MEI1: variants seen among roughly 807,000 people sequenced by gnomAD.
MEI1 encodes the protein meiosis inhibitor protein 1.
Under a neutral mutation model 146.2 loss-of-function variants are expected in MEI1, and 103 were observed. The ratio of observed to expected loss-of-function variants is 0.70; its 90% CI spans 0.60 to 0.83. The LOEUF is 0.83. Ranked by LOEUF, MEI1 falls within the 40% of genes least tolerant of loss-of-function variation. MEI1 has a pLI of 0.00. For missense variants in MEI1, 1,529 were observed against 1,533.0 expected, an observed-to-expected ratio of 1.00 and a Z score of 0.04; for synonymous variants, 652 against 628.2, an observed-to-expected ratio of 1.04 and a Z score of -0.57.
intron 7 of MEI1, among the ~76,000 whole-genome samples, chr22:41,728,526 C>T (rs1006805492): frequency 2.0e-5 from 3 of 152,076 alleles, no homozygotes; most frequent in African/African-American, 7.2e-5. Context: ...ATCACTTGAG[C>T]CCAGAATGGG....
intron 11 of MEI1, among the ~76,000 whole-genome samples, chr22:41,740,989 C>T (rs2072811450): frequency 6.6e-6 from 1 of 152,138 alleles, no homozygotes; most frequent in South Asian, 2.1e-4. Flanking sequence ...TGGCTCGCTG[C>T]AACCTCCAAC....
chr22:41,760,415 A>C (rs2074406612), intron 18 of MEI1, among the ~76,000 whole-genome samples: 1 of 152,196 alleles, frequency 6.6e-6, no homozygotes, highest in African/African-American at 2.4e-5. Flanking sequence ...AGGCTTAGAC[A>C]GGAGAATTGC....
At chr22:41,706,243 G>A (rs1231655750) in intron 3 of MEI1, among the ~76,000 whole-genome samples, 1 of 151,914 alleles carries the variant, frequency 6.6e-6, no homozygotes, top group African/African-American at 2.4e-5. Flanking sequence ...GGTCTCAAAC[G>A]GCTATTCTCA....
Position 41,758,424 on chromosome 22 carries a change from C to G in MEI1, c.2011C>G (p.Pro671Ala), listed in dbSNP as rs1424515093. The G allele has an allele frequency of 3.7e-6, 6 of 1,613,806 alleles. No individual in the cohort carries two copies. The highest frequency in any genetic ancestry group is 4.2e-6 in the Non-Finnish European group (5 of 1,179,884). Residue 671 changes from proline (P) to alanine (A), a missense_variant, in exon 18 of 31, where the codon CCT becomes GCT. Coordinates refer to ENST00000401548, the MANE Select transcript of MEI1 (RefSeq NM_152513.4). Reference sequence around the variant, plus strand: ...GCTGCCCCAGATAAGCAGCAGGAGCCCTGAAAGCCTTGCCTTCCTGTCTGA... The same window carrying G: ...GCTGCCCCAGATAAGCAGCAGGAGCGCTGAAAGCCTTGCCTTCCTGTCTGA... ...HGLPQISSRSPESLAFLSDRQ... is the reference protein window; with the variant it reads ...HGLPQISSRSAESLAFLSDRQ...
chr22:41,778,745 C>A lies in MEI1; in HGVS notation c.2748C>A (p.Ser916=). 1 of 1,608,996 alleles carries A rather than the reference C, an allele frequency of 6.2e-7. No homozygotes were observed. The highest frequency in any genetic ancestry group is 2.2e-5 in the East Asian group (1 of 44,698). Residue 916 remains serine, a synonymous_variant, in exon 22 of 31, where the codon TCC becomes TCA. Coordinates refer to ENST00000401548, the MANE Select transcript of MEI1 (RefSeq NM_152513.4). ...GNLPLLLSLL[S]LMQLRNVSEQ... ...TACCATTGCTGCTGAGCCTCCTCTCCCTGATGCAGCTCAGGAATGTGTCAG... is the reference window on the plus strand; with the variant it reads ...TACCATTGCTGCTGAGCCTCCTCTCACTGATGCAGCTCAGGAATGTGTCAG...
At chr22:41,751,461 G>A (rs1173816898) in intron 15 of MEI1, among the ~76,000 whole-genome samples, 1 of 136,742 alleles carries the variant, frequency 7.3e-6, no homozygotes, top group Non-Finnish European at 1.5e-5. Flanking sequence ...CAGCACAAAG[G>A]CCTGGGCCAG....
chr22:41,736,720 G>C (rs1326053723), intron 11 of MEI1, among the ~76,000 whole-genome samples: 2 of 152,070 alleles, frequency 1.3e-5, no homozygotes, highest in African/African-American at 2.4e-5. Flanking sequence ...GGCTACTTAT[G>C]ATGGGATGTA....
intron 14 of MEI1, chr22:41,747,196 C>G (rs2073363322): frequency 6.6e-6 from 1 of 150,932 alleles, no homozygotes; most frequent in African/African-American, 2.4e-5. Context: ...CAAGGGCACA[C>G]TGTGGTGGCT....
chr22:41,784,721 G>A lies in MEI1; in HGVS notation c.3283G>A (p.Ala1095Thr), dbSNP rs2075890373. The stretch of plus-strand genomic sequence containing the variant: ...GCCAGCCACCAAGGACACTGTCCTA[G>A]CTCCACTGCGAATGTCGCAAGTCCG... Reference protein sequence around the residue: ...PLPATKDTVLAPLRMSQVRSL... With the variant: ...PLPATKDTVLTPLRMSQVRSL... Residue 1095 changes from alanine to threonine, a missense_variant, in exon 26 of 31, where the codon GCT becomes ACT. By Grantham distance (58) the Ala-to-Thr change is moderately conservative. This residue lies in a region of MEI1 where 313 missense variants were observed against 337.3 expected (regional missense o/e 0.93). Coordinates refer to ENST00000401548, the MANE Select transcript of MEI1 (RefSeq NM_152513.4). 2 of 1,613,426 alleles carry A rather than the reference G, an allele frequency of 1.2e-6. No individual in the cohort carries two copies. Among genetic ancestry groups the A allele is most frequent in the East Asian group, 4.5e-5 (2 of 44,854 alleles).
chr22:41,747,770 A>ATAT (rs923047776), intron 14 of MEI1, among the ~76,000 whole-genome samples: 2 of 148,844 alleles, frequency 1.3e-5, no homozygotes, highest in Admixed American at 1.4e-4. Flanking sequence ...TTTATAAACT[A>ATAT]TATTATTATT....
At position 41,708,191 on chromosome 22, in the gene MEI1, A is replaced by G. The variant is rs549524151; in HGVS notation, c.349+2637A>G. Among the ~76,000 whole-genome samples the G allele has an allele frequency of 2.6e-5, 4 of 152,374 alleles. No homozygotes were observed. The East Asian group carries it at 7.7e-4, about 29-fold the overall frequency. The stretch of plus-strand genomic sequence containing the variant: ...CTAACCTCCACCAAAACTTGTACAA[A>G]CAATAAGGAAAAAAGGAGAGAGAAG... On this transcript the variant is annotated intron_variant, in intron 3 of 30. Transcript: ENST00000401548.
chr22:41,758,413 G>A lies in MEI1; in HGVS notation c.2000G>A (p.Ser667Asn). ...ELLQHGLPQI[S>N]SRSPESLAFL... ...CTGCAGCATGGGCTGCCCCAGATAA[G>A]CAGCAGGAGCCCTGAAAGCCTTGCC... Residue 667 changes from serine to asparagine, a missense_variant, in exon 18 of 31, where the codon AGC (serine) becomes AAC (asparagine). Ser to Asn is a conservative substitution (Grantham distance 46). Around this residue, in one of 3 missense-constraint regions of MEI1, gnomAD observed 1,212 missense variants for 1,178.9 expected, o/e 1.03. Transcript: ENST00000401548. 3 of 1,613,908 alleles carry A rather than the reference G, an allele frequency of 1.9e-6. 1 individual carries two copies. In the South Asian group the frequency reaches 3.3e-5, roughly 18 times the overall value.
In MEI1 at chr22:41,778,710, T is replaced by G; in HGVS notation, c.2713T>G (p.Ser905Ala). ...CCAGTCCTCCTTGTTCTTCACAGCCTCGGGGAACCTACCATTGCTGCTGAG... is the reference window on the plus strand; with the variant it reads ...CCAGTCCTCCTTGTTCTTCACAGCCGCGGGGAACCTACCATTGCTGCTGAG... ...VEHGASPSGA[S>A]GNLPLLLSLL... Residue 905 changes from serine (S) to alanine (A), a missense_variant and splice_region_variant, in exon 22 of 31, where the codon TCG becomes GCG. Ser to Ala is a moderately conservative substitution (Grantham distance 99). Coordinates refer to ENST00000401548, the MANE Select transcript of MEI1 (RefSeq NM_152513.4). The G allele has an allele frequency of 6.3e-7, 1 of 1,599,526 alleles. No individual in the cohort carries two copies.
At chr22:41,771,328 A>G (rs190189445) in intron 20 of MEI1, among the ~76,000 whole-genome samples, 9 of 152,358 alleles carry the variant, frequency 5.9e-5, no homozygotes, top group African/African-American at 2.2e-4. Context: ...GGGCATGTAG[A>G]TGGACATTTC....
In MEI1 at chr22:41,770,867, A is replaced by G; in HGVS notation, c.2450A>G (p.Asp817Gly). The stretch of plus-strand genomic sequence containing the variant: ...GAGAGCAGCTATGAGGAACTGGATG[A>G]TGTCACCTCTGCTGGGCAGCCCGCC... ...WEESSYEELD[D>G]VTSAGQPALP... Residue 817 changes from aspartate to glycine, a missense_variant, in exon 20 of 31, where the codon GAT (aspartate) becomes GGT (glycine). Asp to Gly is a moderately conservative substitution (Grantham distance 94). Around this residue, in one of 3 missense-constraint regions of MEI1, gnomAD observed 1,212 missense variants for 1,178.9 expected, o/e 1.03. Coordinates refer to ENST00000401548, the MANE Select transcript of MEI1 (RefSeq NM_152513.4). The G allele has an allele frequency of 6.2e-7, 1 of 1,613,948 alleles. No individual in the cohort carries two copies. The highest frequency in any genetic ancestry group is 2.2e-5 in the East Asian group (1 of 44,892).
chr22:41,767,968 G>A (rs774972189), intron 19 of MEI1, among the ~76,000 whole-genome samples: 13 of 152,188 alleles, frequency 8.5e-5, no homozygotes, highest in Non-Finnish European at 1.8e-4. Context: ...GAAGTGGGAA[G>A]ATGCCCAATC....
In MEI1 at chr22:41,732,371, T is replaced by C. The variant is rs1347790816; in HGVS notation, c.1196+27T>C. ...TGAGCAAAGTGGTGGAACATGAGGC[T>C]TGTAGGGGCCAGACTGCAGAAGGAA... On this transcript the variant is annotated intron_variant, in intron 10 of 30. Transcript: ENST00000401548. 10 of 1,613,242 alleles carry C rather than the reference T, an allele frequency of 6.2e-6. No homozygotes were observed. In the African/African-American group the frequency reaches 9.3e-5, roughly 15 times the overall value.
chr22:41,793,781 GC>G (rs1301802207), intron 26 of MEI1, 47 bp from the exon 27 acceptor site: 7 of 1,507,140 alleles, frequency 4.6e-6, no homozygotes, highest in Non-Finnish European at 6.2e-6. Context: ...GGCACCAAAA[GC>G]CATTGGTAGC....
chr22:41,746,244 T>C (rs17002647), intron 14 of MEI1, among the ~76,000 whole-genome samples: 2,390 of 152,304 alleles, frequency 0.016, 69 homozygotes, highest in African/African-American at 0.053. Flanking sequence ...TAGAAAGCAG[T>C]AATAATAAAA....
Sources: allele counts gnomAD v4.1 joint callset (sites outside exome capture counted in the v4.1 genomes callset), GRCh38; gene constraint gnomAD v4.1.1; regional missense constraint gnomAD v4.1.1; transcripts MANE v1.5; gene names NCBI Gene and HGNC (gene_info 2026-07-23, HGNC 2026-07-21).